RBFOX1: variants seen among roughly 807,000 people sequenced by gnomAD.
RBFOX1 encodes the protein RNA binding protein fox-1 homolog 1.
RBFOX1 carries 8 observed loss-of-function variants against 57.7 expected under a neutral mutation model. That is an observed-to-expected ratio of 0.14 (90% CI 0.08 to 0.25). RBFOX1 has a LOEUF of 0.25. Among genes scored for constraint, RBFOX1 ranks in the 10% least tolerant of loss-of-function variants. RBFOX1 has a pLI of 1.00. For missense variants in RBFOX1, 611 were observed against 548.5 expected, an observed-to-expected ratio of 1.11 and a Z score of -1.14; for synonymous variants, 326 against 222.4, an observed-to-expected ratio of 1.47 and a Z score of -4.15.
intron 1 of RBFOX1, among the ~76,000 whole-genome samples, chr16:6,106,726 G>A (rs34363600): frequency 0.28 from 42,174 of 151,900 alleles, 6,875 homozygotes; most frequent in Non-Finnish European, 0.38. Flanking sequence ...GGAGTGCAGT[G>A]GCCTGATCTC....
chr16:6,951,575 C>G (rs2080769935), intron 3 of RBFOX1, among the ~76,000 whole-genome samples: 1 of 152,164 alleles, frequency 6.6e-6, no homozygotes, highest in African/African-American at 2.4e-5. Context: ...CTCTCTTTCT[C>G]TCCTTGTACC....
At chr16:6,020,524 A>C (rs2095050256) in intron 1 of RBFOX1, among the ~76,000 whole-genome samples, 1 of 152,132 alleles carries the variant, frequency 6.6e-6, no homozygotes. Flanking sequence ...GTTTACTGGC[A>C]CTGGAATCGA....
At chr16:6,654,436 T>A (rs1192700821) in intron 2 of RBFOX1, among the ~76,000 whole-genome samples, 167 bp from the exon 3 acceptor site, 1 of 152,212 alleles carries the variant, frequency 6.6e-6, no homozygotes, top group Non-Finnish European at 1.5e-5. Context: ...CCGCAGTATG[T>A]ACCTTTAAAA....
chr16:6,881,165 A>G (rs2062857733), intron 3 of RBFOX1, among the ~76,000 whole-genome samples: 1 of 152,202 alleles, frequency 6.6e-6, no homozygotes, highest in Non-Finnish European at 1.5e-5. Flanking sequence ...GCTGGCACAC[A>G]AAATGAAACC....
At chr16:6,101,671 C>T (rs2096310438) in intron 1 of RBFOX1, among the ~76,000 whole-genome samples, 1 of 152,120 alleles carries the variant, frequency 6.6e-6, no homozygotes, top group African/African-American at 2.4e-5. Context: ...CCTGTAATCC[C>T]AGCAATTTGG....
At chr16:6,655,280 A>G in intron 3 of RBFOX1, among the ~76,000 whole-genome samples, 1 of 146,964 alleles carries the variant, frequency 6.8e-6, no homozygotes, top group East Asian at 2.1e-4. Context: ...AGGCTGAGGC[A>G]GGAGAATCAC....
At chr16:6,946,415 C>G (rs992994621) in intron 3 of RBFOX1, among the ~76,000 whole-genome samples, 2 of 152,178 alleles carry the variant, frequency 1.3e-5, no homozygotes, top group African/African-American at 4.8e-5. Flanking sequence ...CGCTTATTGC[C>G]TGAGTTCTGT....
chr16:7,242,817 A>C (rs1425473724), intron 4 of RBFOX1, among the ~76,000 whole-genome samples: 3 of 152,212 alleles, frequency 2.0e-5, no homozygotes, highest in African/African-American at 7.2e-5. Context: ...TTGTTGATTC[A>C]GACCCGACTG....
Position 5,329,887 on chromosome 16 carries a change from G to A in RBFOX1, c.219+89782G>A, listed in dbSNP as rs1261950459. ...TGTGATGGCAGGCACCTGTAGTGAT[G>A]TGATGTGATGGCGTGAATCCGGGAG... On this transcript the variant is annotated intron_variant, in intron 1 of 2. Coordinates refer to the RBFOX1 transcript ENST00000585867. Among the ~76,000 whole-genome samples, 3 of 151,632 alleles carry A rather than the reference G, an allele frequency of 2.0e-5. No individual in the cohort carries two copies. In the East Asian group the frequency reaches 5.8e-4, roughly 29 times the overall value.
chr16:6,931,342 CACACA>C (rs1382850843), intron 3 of RBFOX1, among the ~76,000 whole-genome samples: 4 of 110,268 alleles, frequency 3.6e-5, no homozygotes, highest in Non-Finnish European at 6.3e-5. Context: ...TCTATCTCTA[CACACA>C]CACACACACA....
intron 4 of RBFOX1, among the ~76,000 whole-genome samples, chr16:7,390,507 C>G (rs901611808): frequency 6.6e-6 from 1 of 152,186 alleles, no homozygotes; most frequent in East Asian, 1.9e-4. Flanking sequence ...AAAAGAATAC[C>G]TTCTTCACAA....
intron 1 of RBFOX1, among the ~76,000 whole-genome samples, chr16:5,365,436 G>A (rs1047639367): frequency 1.2e-4 from 19 of 152,326 alleles, no homozygotes; most frequent in African/African-American, 4.6e-4. Context: ...GGGAGGCCAA[G>A]GTGGGAGGAA....
chr16:6,752,142 C>T (rs748612236), intron 3 of RBFOX1, among the ~76,000 whole-genome samples: 2 of 152,124 alleles, frequency 1.3e-5, no homozygotes, highest in Admixed American at 6.6e-5. Context: ...TTTTGCATTC[C>T]ATTAGTTTCA....
intron 3 of RBFOX1, among the ~76,000 whole-genome samples, chr16:5,790,060 G>T (rs990573359): frequency 6.6e-6 from 1 of 152,214 alleles, no homozygotes; most frequent in Admixed American, 6.5e-5. Flanking sequence ...AACCCTTGTG[G>T]TTATTCGGGA....
chr16:6,545,292 C>T (rs1001075033), intron 2 of RBFOX1, among the ~76,000 whole-genome samples: 1 of 152,144 alleles, frequency 6.6e-6, no homozygotes, highest in East Asian at 1.9e-4. Flanking sequence ...CCCATCTTTT[C>T]CCCCTCCTGG....
intron 1 of RBFOX1, among the ~76,000 whole-genome samples, chr16:6,232,782 A>T (rs970290334): frequency 2.0e-5 from 3 of 152,036 alleles, no homozygotes; most frequent in Admixed American, 2.0e-4. Context: ...TCTTGCTCAG[A>T]TTTGCTTCCA....
intron 2 of RBFOX1, among the ~76,000 whole-genome samples, chr16:6,357,777 CCT>C (rs530379298): frequency 2.0e-5 from 3 of 151,730 alleles, no homozygotes; most frequent in Non-Finnish European, 4.4e-5. Flanking sequence ...CGTGAAACAC[CCT>C]GTCTCTACTA....
At chr16:5,464,916 C>A (rs77633028) in intron 1 of RBFOX1, among the ~76,000 whole-genome samples, 5,322 of 152,224 alleles carry the variant, frequency 0.035, 127 homozygotes, top group Middle Eastern at 0.089. Context: ...TGTGTGCAGA[C>A]CCTGGTCTGC....
intron 2 of RBFOX1, among the ~76,000 whole-genome samples, chr16:6,616,924 C>T (rs1433390626): frequency 6.6e-6 from 1 of 152,180 alleles, no homozygotes. Context: ...CATTTGTTTA[C>T]ATATTGTCTC....
Sources: gnomAD v4.1 joint callset for allele counts (sites outside exome capture counted in the v4.1 genomes callset) on GRCh38, gnomAD v4.1.1 for gene constraint, MANE v1.5 for transcripts, NCBI Gene and HGNC (gene_info 2026-07-23, HGNC 2026-07-21) for gene names.